The following C1orf21 variants were observed in gnomAD, a reference collection of about 807,000 sequenced individuals.
C1orf21 encodes the protein uncharacterized protein C1orf21.
In C1orf21, 3 loss-of-function variants were observed where a neutral mutation model predicts 18.7. That is an observed-to-expected ratio of 0.16 (90% CI 0.07 to 0.42). The LOEUF (loss-of-function observed/expected upper bound fraction) is 0.42. C1orf21 is among the 10% of genes least tolerant of loss of function. The pLI is 0.99. For missense variants in C1orf21, 104 were observed against 143.6 expected, an observed-to-expected ratio of 0.72 and a Z score of 1.41; for synonymous variants, 41 against 46.4, an observed-to-expected ratio of 0.88 and a Z score of 0.47.
chr1:184,556,217 G>T (rs889286820), intron 3 of C1orf21, among the ~76,000 whole-genome samples: 1 of 152,214 alleles, frequency 6.6e-6, no homozygotes, highest in Non-Finnish European at 1.5e-5. Flanking sequence ...ACACTGTGGG[G>T]TGGGTCAGTA....
At chr1:184,452,241 AT>A (rs1314915821) in intron 1 of C1orf21, among the ~76,000 whole-genome samples, 2 of 152,212 alleles carry the variant, frequency 1.3e-5, no homozygotes, top group Non-Finnish European at 2.9e-5. Flanking sequence ...AGATGATGGT[AT>A]GGCCACCATG....
At chr1:184,613,516 C>T (rs548056482) in intron 5 of C1orf21, among the ~76,000 whole-genome samples, 1 of 152,288 alleles carries the variant, frequency 6.6e-6, no homozygotes, top group Middle Eastern at 3.4e-3. Flanking sequence ...TAGTTTTGCT[C>T]AAAACTTATT....
intron 3 of C1orf21, among the ~76,000 whole-genome samples, chr1:184,523,001 A>T (rs1658325738): frequency 6.6e-6 from 1 of 152,220 alleles, no homozygotes; most frequent in African/African-American, 2.4e-5. Context: ...CAAAGGGTAC[A>T]CTTTATACAG....
Position 184,610,946 on chromosome 1 carries a change from A to T in C1orf21, c.328-8572A>T, listed in dbSNP as rs76383704. 6.3e-3 allele frequency among the ~76,000 whole-genome samples: 952 copies of T among 152,008 alleles called. 15 individuals are homozygous for T. Among genetic ancestry groups the T allele is most frequent in the African/African-American group, 0.022 (903 of 41,448 alleles). Reference sequence around the variant, plus strand: ...CTTCATGGGGGTTTCGAAGCTGTTTAGTTAATACTTACTCTCTCTTGGAAA... The same window carrying T: ...CTTCATGGGGGTTTCGAAGCTGTTTTGTTAATACTTACTCTCTCTTGGAAA... On this transcript the variant is annotated intron_variant, in intron 5 of 5. Transcript: ENST00000235307.
intron 4 of C1orf21, among the ~76,000 whole-genome samples, chr1:184,591,656 C>A (rs1224982402): frequency 1.3e-5 from 2 of 151,532 alleles, no homozygotes; most frequent in Non-Finnish European, 2.9e-5. Context: ...AATACAAAAA[C>A]TTAGCCGGGC....
At position 184,405,497 on chromosome 1, in the gene C1orf21, A is replaced by G. The variant is rs372982085; in HGVS notation, c.-125+18129A>G. On this transcript the variant is annotated intron_variant, in intron 1 of 5. Coordinates refer to ENST00000235307, the MANE Select transcript of C1orf21 (RefSeq NM_030806.4). ...GGTGTGAGCCACCACACCTGGCCCT[A>G]AAAATTCCTATTATGCTTTAAAGTT... Among the ~76,000 whole-genome samples, 435 of 152,258 alleles carry G rather than the reference A, an allele frequency of 2.9e-3. 5 individuals carry two copies. The highest frequency in any genetic ancestry group is 9.0e-3 in the African/African-American group (372 of 41,554).
At chr1:184,502,794 G>A (rs948742147) in intron 2 of C1orf21, among the ~76,000 whole-genome samples, 24 of 151,838 alleles carry the variant, frequency 1.6e-4, no homozygotes, top group African/African-American at 5.6e-4. Context: ...AGAACTTAAC[G>A]TGGCCATGCA....
At chr1:184,495,484 T>C (rs1657878029) in intron 2 of C1orf21, among the ~76,000 whole-genome samples, 1 of 152,164 alleles carries the variant, frequency 6.6e-6, no homozygotes, top group African/African-American at 2.4e-5. Context: ...CCATTCTGAA[T>C]CTCCTTTCTG....
At chr1:184,578,554 A>G (rs938498331) in intron 3 of C1orf21, among the ~76,000 whole-genome samples, 2 of 152,214 alleles carry the variant, frequency 1.3e-5, no homozygotes, top group Admixed American at 6.5e-5. Flanking sequence ...AAGCTAATCA[A>G]GTACTTTTAG....
intron 5 of C1orf21, 73 bp downstream of exon 5, chr1:184,598,534 C>G: frequency 1.5e-6 from 2 of 1,358,712 alleles, no homozygotes; most frequent in Non-Finnish European, 2.0e-6. Flanking sequence ...AGGGCAATAA[C>G]ATTCTTGTTT....
chr1:184,584,218 A>G (rs1237129465), intron 3 of C1orf21, among the ~76,000 whole-genome samples: 2 of 151,184 alleles, frequency 1.3e-5, no homozygotes, highest in Non-Finnish European at 2.9e-5. Context: ...TAGAAGTTAA[A>G]TGTTTATAAA....
At chr1:184,433,074 C>T (rs1656792289) in intron 1 of C1orf21, among the ~76,000 whole-genome samples, 1 of 152,170 alleles carries the variant, frequency 6.6e-6, no homozygotes, top group African/African-American at 2.4e-5. Context: ...GCTGAGCTGT[C>T]CCCAGACATA....
intron 1 of C1orf21, among the ~76,000 whole-genome samples, chr1:184,453,454 C>T (rs1657152559): frequency 6.6e-6 from 1 of 152,182 alleles, no homozygotes. Context: ...TTTGCTAGTG[C>T]TGCCTTTCTC....
rs188091771 is a variant in C1orf21, at chr1:184,512,001, T to A, written c.189+4319T>A. 5.7e-4 allele frequency among the ~76,000 whole-genome samples: 87 copies of A among 152,274 alleles called. 2 individuals carry two copies. The highest frequency in any genetic ancestry group is 3.6e-3 in the Admixed American group (55 of 15,296). On this transcript the variant is annotated intron_variant, in intron 3 of 5. Coordinates refer to ENST00000235307, the MANE Select transcript of C1orf21 (RefSeq NM_030806.4). ...CTTGGGTAGGCACACAGAGCCAGACTGTATCACTTGAGTGTAAATGGGGCA... is the reference window on the plus strand; with the variant it reads ...CTTGGGTAGGCACACAGAGCCAGACAGTATCACTTGAGTGTAAATGGGGCA...
At chr1:184,507,543 T>C (rs746993103) in intron 2 of C1orf21, 45 bp from the exon 3 acceptor site, 19 of 1,514,070 alleles carry the variant, frequency 1.3e-5, no homozygotes, top group African/African-American at 2.8e-5. Flanking sequence ...TTTTCTACTA[T>C]TGGGAAAAAA....
At chr1:184,498,694 T>C (rs953711749) in intron 2 of C1orf21, among the ~76,000 whole-genome samples, 7 of 152,232 alleles carry the variant, frequency 4.6e-5, no homozygotes, top group Admixed American at 3.3e-4. Context: ...TTTGCTGTTA[T>C]TGCAATATAG....
intron 1 of C1orf21, among the ~76,000 whole-genome samples, chr1:184,388,530 G>A (rs1224442973): frequency 6.6e-6 from 1 of 152,146 alleles, no homozygotes; most frequent in East Asian, 1.9e-4. Flanking sequence ...TACACCCTGG[G>A]CACCCAGAAC....
intron 5 of C1orf21, among the ~76,000 whole-genome samples, chr1:184,607,318 G>A (rs1338674114): frequency 1.3e-5 from 2 of 152,076 alleles, no homozygotes; most frequent in African/African-American, 2.4e-5. Context: ...TTAATGGGCC[G>A]GATGATTCCC....
At chr1:184,567,141 T>C in intron 3 of C1orf21, 1 of 472,966 alleles carries the variant, frequency 2.1e-6, no homozygotes. Flanking sequence ...GAGCCCTGCC[T>C]TCTTCATGAA....
Sources: gnomAD v4.1 joint callset for allele counts (sites outside exome capture counted in the v4.1 genomes callset) on GRCh38, gnomAD v4.1.1 for gene constraint, MANE v1.5 for transcripts, NCBI Gene and HGNC (gene_info 2026-07-23, HGNC 2026-07-21) for gene names.